UGT1A8: variants seen among roughly 807,000 people sequenced by gnomAD.
UGT1A8 encodes the protein UDP-glucuronosyltransferase 1A8.
Under a neutral mutation model 45.3 loss-of-function variants are expected in UGT1A8, and 39 were observed. That is an observed-to-expected ratio of 0.86 (90% confidence interval 0.67 to 1.12). UGT1A8 has a LOEUF of 1.12. UGT1A8 is among the 50% of genes most tolerant of loss of function. The probability of loss-of-function intolerance (pLI) is 0.00; values close to 1 mark genes in which losing one functional copy is unlikely to be tolerated. For missense variants in UGT1A8, 719 were observed against 664.9 expected (o/e 1.08, Z -0.90); for synonymous variants, 275 against 249.2 (o/e 1.10, Z -0.97).
chr2:233,725,819 A>G (rs2077477278), intron 1 of UGT1A8, among the ~76,000 whole-genome samples: 1 of 152,214 alleles, frequency 6.6e-6, no homozygotes, highest in South Asian at 2.1e-4. Context: ...TTTATTGGAT[A>G]CCAGTATTGC....
chr2:233,753,820 G>C (rs1695319484), intron 1 of UGT1A8, among the ~76,000 whole-genome samples: 1 of 152,168 alleles, frequency 6.6e-6, no homozygotes, highest in African/African-American at 2.4e-5. Context: ...AACCACGTTA[G>C]GGCTGAAGAC....
At chr2:233,706,032 T>G (rs887467227) in intron 1 of UGT1A8, among the ~76,000 whole-genome samples, 4 of 152,014 alleles carry the variant, frequency 2.6e-5, no homozygotes, top group African/African-American at 4.8e-5. Flanking sequence ...GAGGCAGAGG[T>G]TGCAGTGAGC....
rs112908387 is a variant in UGT1A8, at chr2:233,772,904, C to T, written c.*345C>T. On this transcript the variant is annotated 3_prime_UTR_variant, in exon 5 of 5. Transcript: ENST00000373450. ...GATTCAAAGGTGGTCCCACGGCTGCCCCTACTGCAAATGGCAGTTTTAATC... is the reference window on the plus strand; with the variant it reads ...GATTCAAAGGTGGTCCCACGGCTGCTCCTACTGCAAATGGCAGTTTTAATC... 5 of 414,970 alleles carry T rather than the reference C, an allele frequency of 1.2e-5. No individual in the cohort carries two copies. The highest frequency in any genetic ancestry group is 6.1e-5 in the African/African-American group (3 of 48,900). 25.7% of individuals were successfully genotyped at this position (414,970 alleles called of 1,614,324 possible).
At chr2:233,627,375 C>T (rs1489849542) in intron 1 of UGT1A8, among the ~76,000 whole-genome samples, 1 of 151,982 alleles carries the variant, frequency 6.6e-6, no homozygotes, top group Admixed American at 6.6e-5. Context: ...CCATCCTTTG[C>T]TGCCATTAAA....
At chr2:233,720,900 G>A (rs2076906237) in intron 1 of UGT1A8, among the ~76,000 whole-genome samples, 1 of 144,530 alleles carries the variant, frequency 6.9e-6, no homozygotes, top group Non-Finnish European at 1.5e-5. Flanking sequence ...TAGTAGAGAT[G>A]AGGTTTCGCA....
intron 1 of UGT1A8, chr2:233,719,778 T>C (rs2076804234): frequency 1.2e-6 from 2 of 1,611,190 alleles, no homozygotes; most frequent in African/African-American, 2.7e-5. Context: ...TATCTACTTA[T>C]CTTTCCAAAG....
chr2:233,710,344 G>A (rs1349376826), intron 1 of UGT1A8, among the ~76,000 whole-genome samples: 2 of 152,226 alleles, frequency 1.3e-5, no homozygotes, highest in African/African-American at 2.4e-5. Context: ...CAGTCGAACT[G>A]TTTCCAAAGC....
chr2:233,691,318 C>T lies in UGT1A8; in HGVS notation c.855+72756C>T, dbSNP rs28898575. 2.2e-3 allele frequency: 2,162 copies of T among 985,518 alleles called. 49 individuals are homozygous for T. In the African/African-American group the frequency reaches 0.035, roughly 16 times the overall value. The allele number at this position is 985,518 out of a possible 1,614,324, so 61.0% of individuals were successfully genotyped here. A position where few individuals can be genotyped will look rare whatever the true frequency, so the allele number is the denominator to read the frequency against. ...TGCCAATCCTCTTGGGAGGCTGCTC[C>T]CAGCTTGGACTGAGCTGAGTCTTCG... On this transcript the variant is annotated intron_variant, in intron 1 of 4. Coordinates refer to ENST00000373450, the MANE Select transcript of UGT1A8 (RefSeq NM_019076.5).
Position 233,682,599 on chromosome 2 carries a change from C to A in UGT1A8, c.855+64037C>A, listed in dbSNP as rs765399769. 3 of 1,613,876 alleles carry A rather than the reference C, an allele frequency of 1.9e-6. No individual in the cohort carries two copies. The highest frequency in any genetic ancestry group is 1.3e-5 in the African/African-American group (1 of 75,012). ...CACTTGGAGGAACATTTATTTTGCCCCTATTTTTTCAAAAATGTCTTAGAA... is the reference window on the plus strand; with the variant it reads ...CACTTGGAGGAACATTTATTTTGCCACTATTTTTTCAAAAATGTCTTAGAA... On this transcript the variant is annotated intron_variant, in intron 1 of 4. Transcript: ENST00000373450.
chr2:233,719,832 C>G, intron 1 of UGT1A8: 1 of 1,545,496 alleles, frequency 6.5e-7, no homozygotes, highest in South Asian at 1.2e-5. Flanking sequence ...GTTGAGGGGC[C>G]TAGTGTATTT....
intron 1 of UGT1A8, among the ~76,000 whole-genome samples, chr2:233,705,147 AAAGAGAG>A (rs1559353962): frequency 1.3e-5 from 2 of 151,972 alleles, no homozygotes; most frequent in Non-Finnish European, 2.9e-5. Context: ...AAAAAAAAAA[AAAGAGAG>A]AGAGAGAGAG....
Position 233,768,582 on chromosome 2 carries a change from C to T in UGT1A8, c.1295+143C>T, listed in dbSNP as rs1179813397. On this transcript the variant is annotated intron_variant, in intron 4 of 4. Transcript: ENST00000373450. ...ATAAAAATCTGGATTTTTATTTCTT[C>T]TTTTTTTTTTTTTTTTTTTTTTGAG... 4.6e-4 allele frequency: 475 copies of T among 1,032,668 alleles called. No homozygotes were observed. In the East Asian group the frequency reaches 5.3e-3, roughly 12 times the overall value. The allele number at this position is 1,032,668 out of a possible 1,614,324, so 64.0% of individuals were successfully genotyped here.
intron 1 of UGT1A8, among the ~76,000 whole-genome samples, chr2:233,762,105 C>G (rs879435361): frequency 5.9e-5 from 9 of 151,972 alleles, no homozygotes; most frequent in African/African-American, 2.2e-4. Context: ...GTTGATTGTC[C>G]GCTTCACATC....
chr2:233,726,353 T>C lies in UGT1A8; in HGVS notation c.856-40681T>C, dbSNP rs2077527034. Among the ~76,000 whole-genome samples the C allele has an allele frequency of 2.0e-5, 3 of 152,202 alleles. No individual in the cohort carries two copies. The South Asian group carries it at 6.2e-4, about 32-fold the overall frequency. ...CACCTGTGGTTTTTTGATTTATTTA[T>C]TTAAAACACAACAAAAACCAAAATT... On this transcript the variant is annotated intron_variant, in intron 1 of 4. Transcript: ENST00000373450.
At chr2:233,748,018 T>C in intron 1 of UGT1A8, 1 of 1,613,548 alleles carries the variant, frequency 6.2e-7, no homozygotes, top group East Asian at 2.2e-5. Context: ...CCCAGGCCGA[T>C]CATGCCCAAC....
At chr2:233,735,712 C>CA (rs2078686822) in intron 1 of UGT1A8, among the ~76,000 whole-genome samples, 1 of 152,140 alleles carries the variant, frequency 6.6e-6, no homozygotes, top group Non-Finnish European at 1.5e-5. Flanking sequence ...CTGGTGGTGA[C>CA]AAAATCTCTC....
At chr2:233,665,057 T>C (rs2074044442) in intron 1 of UGT1A8, among the ~76,000 whole-genome samples, 1 of 152,228 alleles carries the variant, frequency 6.6e-6, no homozygotes, top group Non-Finnish European at 1.5e-5. Flanking sequence ...TTTGAAATTA[T>C]TTTATGCATA....
At chr2:233,622,727 T>G (rs1026828786) in intron 1 of UGT1A8, among the ~76,000 whole-genome samples, 2 of 152,206 alleles carry the variant, frequency 1.3e-5, no homozygotes, top group African/African-American at 4.8e-5. Context: ...GCTCTTTGGT[T>G]TAATTAGATC....
intron 1 of UGT1A8, among the ~76,000 whole-genome samples, chr2:233,678,117 G>T (rs1423085538): frequency 1.3e-5 from 2 of 152,098 alleles, no homozygotes; most frequent in Non-Finnish European, 2.9e-5. Context: ...GCTAAATAGT[G>T]GGTACTTTTG....
Sources: allele counts gnomAD v4.1 joint callset (sites outside exome capture counted in the v4.1 genomes callset), GRCh38; gene constraint gnomAD v4.1.1; transcripts MANE v1.5; gene names NCBI Gene and HGNC (gene_info 2026-07-23, HGNC 2026-07-21).